The following GHR variants were observed in gnomAD, a reference collection of about 807,000 sequenced individuals.
GHR encodes the protein growth hormone receptor, also known as GH receptor.
GHR carries 35 observed loss-of-function variants against 67.1 expected under a neutral mutation model. That is an observed-to-expected ratio of 0.52 (90% CI 0.40 to 0.69). The LOEUF is 0.69. Ranked by LOEUF, GHR falls within the 30% of genes least tolerant of loss-of-function variation. The probability of loss-of-function intolerance (pLI) is 0.00; values close to 1 mark genes in which losing one functional copy is unlikely to be tolerated. For synonymous variants in GHR, 272 were observed against 269.1 expected, an observed-to-expected ratio of 1.01 and a Z score of -0.10; for missense variants, 792 against 764.6, an observed-to-expected ratio of 1.04 and a Z score of -0.42.
At chr5:42,496,906 A>C (rs894220635) in intron 1 of GHR, among the ~76,000 whole-genome samples, 105 of 152,334 alleles carry the variant, frequency 6.9e-4, no homozygotes, top group African/African-American at 2.2e-3. Context: ...GTTGGGTCAC[A>C]TGCAAGTTAT....
intron 1 of GHR, among the ~76,000 whole-genome samples, chr5:42,474,871 T>C (rs1263782202): frequency 2.8e-5 from 4 of 144,000 alleles, no homozygotes; most frequent in Admixed American, 2.1e-4. Flanking sequence ...ATTTTTTTCT[T>C]TTTTTTTTTT....
intron 3 of GHR, among the ~76,000 whole-genome samples, chr5:42,688,109 C>A (rs1757246653): frequency 6.6e-6 from 1 of 152,146 alleles, no homozygotes; most frequent in African/African-American, 2.4e-5. Context: ...CTGGCTGAAT[C>A]TTTTAAAAGA....
At chr5:42,468,933 T>C in intron 1 of GHR, 3 of 488,894 alleles carry the variant, frequency 6.1e-6, no homozygotes, top group Non-Finnish European at 1.1e-5. Flanking sequence ...GAGCGCGTGC[T>C]TCAGCTCTTC....
intron 1 of GHR, among the ~76,000 whole-genome samples, chr5:42,553,796 G>C (rs1314271984): frequency 3.3e-5 from 5 of 152,068 alleles, no homozygotes; most frequent in Admixed American, 3.3e-4. Context: ...TCATTTCTGT[G>C]GCCGGCTGAT....
intron 3 of GHR, among the ~76,000 whole-genome samples, chr5:42,685,250 A>G (rs1279773176): frequency 2.0e-5 from 3 of 152,162 alleles, no homozygotes; most frequent in Admixed American, 6.5e-5. Context: ...AGCTTCATCC[A>G]TGTCCCTGCA....
chr5:42,559,124 T>C (rs1749464790), intron 1 of GHR, among the ~76,000 whole-genome samples: 1 of 152,218 alleles, frequency 6.6e-6, no homozygotes, highest in East Asian at 1.9e-4. Context: ...TTAAATTAAA[T>C]TTAAATTGTC....
rs147647061 is a variant in GHR at position 42,653,541 on chromosome 5, G to T, written c.136+24438G>T. ...TGGGCATGGTAACAAATGTAATTCA[G>T]CTGTATTGGCACAGTGCATAACAAC... On this transcript the variant is annotated intron_variant, in intron 3 of 9. Transcript: ENST00000230882. Among the ~76,000 whole-genome samples the T allele has an allele frequency of 4.6e-3, 706 of 152,238 alleles. 6 individuals are homozygous for T. Among genetic ancestry groups the T allele is most frequent in the African/African-American group, 0.016 (677 of 41,546 alleles).
chr5:42,449,120 C>CT (rs1561309392), intron 1 of GHR, among the ~76,000 whole-genome samples: 1 of 151,960 alleles, frequency 6.6e-6, no homozygotes. Context: ...TATGTGGGCT[C>CT]TTTTTTGGTT....
At chr5:42,712,276 T>C (rs1758499597) in intron 7 of GHR, among the ~76,000 whole-genome samples, 1 of 152,132 alleles carries the variant, frequency 6.6e-6, no homozygotes, top group African/African-American at 2.4e-5. Context: ...TATACTCTAG[T>C]TAACTGAATT....
intron 4 of GHR, among the ~76,000 whole-genome samples, chr5:42,691,571 C>T (rs1757423396): frequency 6.6e-6 from 1 of 152,248 alleles, no homozygotes; most frequent in Non-Finnish European, 1.5e-5. Context: ...CTTCTCATCC[C>T]TGACACATAA....
chr5:42,508,853 C>T (rs190132288), intron 1 of GHR, among the ~76,000 whole-genome samples: 2 of 152,274 alleles, frequency 1.3e-5, no homozygotes, highest in East Asian at 1.9e-4. Flanking sequence ...GGATTACAGG[C>T]GTGAGCCACC....
At chr5:42,542,758 A>G (rs1468295485) in intron 1 of GHR, among the ~76,000 whole-genome samples, 1 of 152,032 alleles carries the variant, frequency 6.6e-6, no homozygotes, top group African/African-American at 2.4e-5. Flanking sequence ...ATTGCACCCA[A>G]TATACACCTT....
Position 42,485,490 on chromosome 5 carries a change from T to G in GHR, c.-12+61535T>G, listed in dbSNP as rs188927195. Among the ~76,000 whole-genome samples the G allele has an allele frequency of 1.8e-3, 278 of 152,304 alleles. 1 individual carries two copies. Among genetic ancestry groups the G allele is most frequent in the Middle Eastern group, 3.4e-3 (1 of 294 alleles). On this transcript the variant is annotated intron_variant, in intron 1 of 9. Transcript: ENST00000230882. ...TGATTAAATGCATGCCAGATCCAAC[T>G]TTACAGATGAGAAAAATGAGCTCTG...
chr5:42,703,130 C>T (rs1323874665), intron 6 of GHR, among the ~76,000 whole-genome samples: 4 of 152,022 alleles, frequency 2.6e-5, no homozygotes, highest in Non-Finnish European at 5.9e-5. Context: ...AAAATCATTG[C>T]CCAAACCAAT....
At position 42,585,508 on chromosome 5, in the gene GHR, C is replaced by CA. The variant is rs371948362; in HGVS notation, c.70+19570dup. ...TCCAATCTCCACACCTGGAATGTTC[C>CA]AAAAAACCTCCTGTGTTTTCTTTCT... On this transcript the variant is annotated intron_variant, in intron 2 of 9. Transcript: ENST00000230882. Among the ~76,000 whole-genome samples the CA allele has an allele frequency of 2.2e-3, 330 of 152,300 alleles. 2 individuals are homozygous for CA. The highest frequency in any genetic ancestry group is 7.6e-3 in the African/African-American group (315 of 41,572).
intron 1 of GHR, among the ~76,000 whole-genome samples, chr5:42,475,612 C>A (rs189403106): frequency 6.6e-6 from 1 of 150,824 alleles, no homozygotes; most frequent in East Asian, 2.0e-4. Context: ...TTAAAAAGGA[C>A]CCCCCCACCA....
chr5:42,560,473 T>A (rs186964115), intron 1 of GHR, among the ~76,000 whole-genome samples: 6 of 152,336 alleles, frequency 3.9e-5, no homozygotes, highest in Admixed American at 3.9e-4. Context: ...ATTACAGGTG[T>A]AAGCCACCAC....
chr5:42,703,826 A>C (rs902260357), intron 6 of GHR, among the ~76,000 whole-genome samples: 4 of 151,304 alleles, frequency 2.6e-5, no homozygotes, highest in African/African-American at 9.7e-5. Context: ...GGATTTCTTT[A>C]TTTCTTTCTC....
Position 42,452,419 on chromosome 5 carries a change from C to A in GHR, c.-12+28464C>A, listed in dbSNP as rs1744087691. ...ATGAATTTTCCAGGAGTTCTTTGAG[C>A]TTCCTGTATTTGGATATCTAGGTCT... On this transcript the variant is annotated intron_variant, in intron 1 of 9. Transcript: ENST00000230882. 5.9e-5 allele frequency among the ~76,000 whole-genome samples: 9 copies of A among 152,226 alleles called. No individual in the cohort carries two copies. The South Asian group carries it at 1.9e-3, about 32-fold the overall frequency.
Sources: gnomAD v4.1 joint callset for allele counts (sites outside exome capture counted in the v4.1 genomes callset) on GRCh38, gnomAD v4.1.1 for gene constraint, MANE v1.5 for transcripts, NCBI Gene and HGNC (gene_info 2026-07-23, HGNC 2026-07-21) for gene names.